USP9X: variants seen among roughly 807,000 people sequenced by gnomAD.
USP9X encodes ubiquitin carboxyl-terminal hydrolase 9X.
Under a neutral mutation model 190.3 loss-of-function variants are expected in USP9X, and 7 were observed. That is an observed-to-expected ratio of 0.04 (90% CI 0.02 to 0.07). The LOEUF is 0.07. USP9X is among the 10% of genes least tolerant of loss of function. The probability of loss-of-function intolerance (pLI) is 1.00; values close to 1 mark genes in which losing one functional copy is unlikely to be tolerated. For synonymous variants in USP9X, 645 were observed against 659.5 expected (o/e 0.98, Z 0.34); for missense variants, 1,010 against 1,916.9 (o/e 0.53, Z 8.83).
chrX:41,186,791 A>G, intron 24 of USP9X, 149 bp downstream of exon 24: 2 of 652,899 alleles, frequency 3.1e-6, no homozygotes, highest in East Asian at 3.7e-5. Flanking sequence ...AACTTTATGT[A>G]TAATAAACAG....
chrX:41,201,272 G>A lies in USP9X; in HGVS notation c.4816G>A (p.Asp1606Asn), dbSNP rs1325785873. 1 of 1,204,625 alleles carries A rather than the reference G, an allele frequency of 8.3e-7. No homozygotes were observed. Among genetic ancestry groups the A allele is most frequent in the African/African-American group, 1.7e-5 (1 of 57,194 alleles). Residue 1606 changes from aspartate (D) to asparagine (N), a missense_variant, in exon 31 of 45, where the codon GAC becomes AAC. By Grantham distance (23) the Asp-to-Asn change is conservative (BLOSUM62 1). Around this residue, in one of 11 missense-constraint regions of USP9X, gnomAD observed 120 missense variants for 342.7 expected, o/e 0.35. Coordinates refer to ENST00000378308, the MANE Select transcript of USP9X (RefSeq NM_001039591.3). ...TGATATGTCTGGGGATGAGAAGCAG[G>A]ACAATGAGGTAAATTTGAGTTACCA... is the stretch of plus-strand genomic sequence containing the variant. ...DDDMSGDEKQ[D>N]NESNVDPRDD...
chrX:41,178,512 C>A (rs1188393925), intron 21 of USP9X, among the ~76,000 whole-genome samples: 1 of 111,263 alleles, frequency 9.0e-6, no homozygotes, highest in Non-Finnish European at 1.9e-5. Flanking sequence ...TACATGTTGG[C>A]CATTTGGATG....
intron 1 of USP9X, among the ~76,000 whole-genome samples, chrX:41,109,777 G>T (rs1052467288): frequency 3.6e-5 from 4 of 110,635 alleles, no homozygotes; most frequent in Admixed American, 1.9e-4. Flanking sequence ...GGATGGGGGG[G>T]GCAGGAAACC....
chrX:41,185,028 C>G lies in USP9X; in HGVS notation c.3558+353C>G, dbSNP rs1175915335. Among the ~76,000 whole-genome samples, 4 of 112,112 alleles carry G rather than the reference C, an allele frequency of 3.6e-5. No individual in the cohort carries two copies. The East Asian group carries it at 1.1e-3, about 31-fold the overall frequency. On this transcript the variant is annotated intron_variant, in intron 23 of 44. Coordinates refer to ENST00000378308, the MANE Select transcript of USP9X (RefSeq NM_001039591.3). ...ATCTTGTTGCTTGTTTCCCTTCCCACCTTGGGCTTAAACCCAAGTTCTGAG... is the reference window on the plus strand; with the variant it reads ...ATCTTGTTGCTTGTTTCCCTTCCCAGCTTGGGCTTAAACCCAAGTTCTGAG...
rs931341447 is a variant in USP9X, at chrX:41,195,046, C to CTTTTTTTTTTTTTTTTTTT, written c.3978-1197_3978-1196insTTTTTTTTTTTTTTTTTTT. Among the ~76,000 whole-genome samples, 29 of 104,674 alleles carry CTTTTTTTTTTTTTTTTTTT rather than the reference C, an allele frequency of 2.8e-4. 1 individual carries two copies. The highest frequency in any genetic ancestry group is 9.7e-4 in the Admixed American group (9 of 9,322). 90.9% of individuals were successfully genotyped at this position (104,674 alleles called of 115,157 possible). A position where few individuals can be genotyped will look rare whatever the true frequency, so the allele number is the denominator to read the frequency against. On this transcript the variant is annotated intron_variant, in intron 26 of 44. Transcript: ENST00000378308. Reference sequence around the variant, plus strand: ...GATTCTCAATCTTTCTTTTTTCTTTCTTTTTTTTGGAGATGGATTCTTGCT... The same window carrying CTTTTTTTTTTTTTTTTTTT: ...GATTCTCAATCTTTCTTTTTTCTTTCTTTTTTTTTTTTTTTTTTTTTTTTTTTGGAGATGGATTCTTGCT...
chrX:41,087,305 A>C (rs2061920467), intron 1 of USP9X, among the ~76,000 whole-genome samples: 2 of 112,034 alleles, frequency 1.8e-5, no homozygotes, highest in African/African-American at 6.5e-5. Flanking sequence ...TTTGGGGTGC[A>C]TTGATTAGGA....
chrX:41,173,495 C>T (rs993650616), intron 21 of USP9X, among the ~76,000 whole-genome samples: 4 of 111,463 alleles, frequency 3.6e-5, no homozygotes, highest in African/African-American at 1.3e-4. Context: ...TTCAAGAACA[C>T]TTGAGAGTAA....
intron 16 of USP9X, among the ~76,000 whole-genome samples, chrX:41,166,675 C>G (rs1467826956): frequency 9.0e-6 from 1 of 111,724 alleles, no homozygotes. Context: ...GAATAAAATA[C>G]TATCTTTTTA....
At chrX:41,188,174 G>A in intron 25 of USP9X, 57 bp downstream of exon 25, 2 of 1,086,217 alleles carry the variant, frequency 1.8e-6, no homozygotes, top group Non-Finnish European at 2.5e-6. Flanking sequence ...AATTGTGCAT[G>A]TGGTTTGATT....
intron 33 of USP9X, 63 bp from the exon 34 acceptor site, chrX:41,214,505 T>C: frequency 9.6e-7 from 1 of 1,038,690 alleles, no homozygotes; most frequent in Non-Finnish European, 1.3e-6. Flanking sequence ...TAGTTTACAT[T>C]AAGTCCATAA....
At chrX:41,113,319 G>A (rs1448691616) in intron 1 of USP9X, among the ~76,000 whole-genome samples, 1 of 111,027 alleles carries the variant, frequency 9.0e-6, no homozygotes, top group African/African-American at 3.3e-5. Flanking sequence ...TCCTGCCTCA[G>A]CCTCCCGAGT....
intron 41 of USP9X, among the ~76,000 whole-genome samples, chrX:41,226,060 C>G (rs940697111): frequency 1.8e-5 from 2 of 112,375 alleles, no homozygotes; most frequent in Non-Finnish European, 3.8e-5. Context: ...TTTTGCTGCT[C>G]TGTATATGTC....
rs1014675447 is a variant in USP9X, at chrX:41,170,254, C to T, written c.2877+19C>T. 16 of 1,187,002 alleles carry T rather than the reference C, an allele frequency of 1.3e-5. No individual in the cohort carries two copies. The highest frequency in any genetic ancestry group is 1.8e-5 in the Non-Finnish European group (16 of 880,464). On this transcript the variant is annotated intron_variant, in intron 19 of 44. Coordinates refer to ENST00000378308, the MANE Select transcript of USP9X (RefSeq NM_001039591.3). Reference sequence around the variant, plus strand: ...TAAATCGGTATGTATGTATAGTTAACAGATTTTTCAATAAAATCAAACCAG... The same window carrying T: ...TAAATCGGTATGTATGTATAGTTAATAGATTTTTCAATAAAATCAAACCAG...
chrX:41,100,008 T>C lies in USP9X; in HGVS notation c.-159+13899T>C, dbSNP rs151240374. Among the ~76,000 whole-genome samples the C allele has an allele frequency of 7.6e-3, 854 of 112,125 alleles. 7 individuals carry two copies. Among genetic ancestry groups the C allele is most frequent in the African/African-American group, 0.025 (783 of 30,815 alleles). On this transcript the variant is annotated intron_variant, in intron 1 of 44. Transcript: ENST00000378308. ...AACTTCCATTTGCCCATCAATCAGCTTCAACTCATGGCTAGTCTTTTTTAC... is the reference window on the plus strand; with the variant it reads ...AACTTCCATTTGCCCATCAATCAGCCTCAACTCATGGCTAGTCTTTTTTAC...
At chrX:41,192,661 G>A (rs961563183) in intron 26 of USP9X, among the ~76,000 whole-genome samples, 6 of 111,674 alleles carry the variant, frequency 5.4e-5, no homozygotes, top group Non-Finnish European at 9.4e-5. Context: ...TCTAAGCAGT[G>A]TTTGATGTTA....
chrX:41,143,559 G>A (rs928602684), intron 10 of USP9X, 116 bp downstream of exon 10: 24 of 578,741 alleles, frequency 4.1e-5, no homozygotes, highest in Admixed American at 1.9e-4. Flanking sequence ...CTTTGAGAAC[G>A]TTTAAATGCT....
At chrX:41,212,789 A>G (rs2063178589) in intron 33 of USP9X, among the ~76,000 whole-genome samples, 1 of 111,605 alleles carries the variant, frequency 9.0e-6, no homozygotes. Context: ...TTACCAGGAA[A>G]TGATTGGGTG....
In USP9X at chrX:41,167,487, G is replaced by A. The variant is rs1434558743; in HGVS notation, c.2334G>A (p.Val778=). Residue 778 remains valine, a synonymous_variant, in exon 17 of 45, where the codon GTG becomes GTA. Transcript: ENST00000378308. ...LIGLDYLWRV[V]IQSNDDIASR... ...TTTTATCATTTTGAAACCAGGTCGT[G>A]ATTCAGAGTAATGATGATATTGCCA... is the stretch of plus-strand genomic sequence containing the variant. The A allele has an allele frequency of 1.2e-5, 14 of 1,201,565 alleles. No homozygotes were observed. Among genetic ancestry groups the A allele is most frequent in the Admixed American group, 2.2e-5 (1 of 44,818 alleles).
At chrX:41,218,703 T>G in intron 37 of USP9X, 106 bp downstream of exon 37, 2 of 718,250 alleles carry the variant, frequency 2.8e-6, no homozygotes, top group East Asian at 6.4e-5. Flanking sequence ...TATGTTTACC[T>G]AACAGAAACA....
Sources: allele counts gnomAD v4.1 joint callset (sites outside exome capture counted in the v4.1 genomes callset), GRCh38; gene constraint gnomAD v4.1.1; regional missense constraint gnomAD v4.1.1; transcripts MANE v1.5; gene names NCBI Gene and HGNC (gene_info 2026-07-23, HGNC 2026-07-21).